WDFY4: variants seen among roughly 807,000 people sequenced by gnomAD.
WDFY4 encodes WD repeat- and FYVE domain-containing protein 4.
A neutral mutation model predicts 351.9 loss-of-function variants in WDFY4; 169 were observed. The ratio of observed to expected loss-of-function variants is 0.48; its 90% CI spans 0.42 to 0.55. The LOEUF is 0.55. Ranked by LOEUF, WDFY4 falls within the 20% of genes least tolerant of loss-of-function variation. The pLI, the probability that WDFY4 is intolerant of heterozygous loss-of-function variation, is 0.00. For missense variants in WDFY4, 3,803 were observed against 3,935.6 expected (o/e 0.97, Z 0.90); for synonymous variants, 1,622 against 1,574.6 (o/e 1.03, Z -0.71).
At chr10:48,777,919 T>A (rs545966657) in intron 17 of WDFY4, among the ~76,000 whole-genome samples, 7 of 152,354 alleles carry the variant, frequency 4.6e-5, no homozygotes, top group African/African-American at 1.7e-4. Flanking sequence ...CTCATTTCGC[T>A]GGTGACTGAT....
Position 48,810,742 on chromosome 10 carries a change from A to G in WDFY4, c.5044+7A>G. 6.6e-7 allele frequency: 1 copy of G among 1,515,516 alleles called. No homozygotes were observed. Among genetic ancestry groups the G allele is most frequent in the Non-Finnish European group, 8.9e-7 (1 of 1,128,642 alleles). 93.9% of individuals were successfully genotyped at this position (1,515,516 alleles called of 1,614,324 possible). On this transcript the variant is annotated splice_region_variant and intron_variant, in intron 29 of 61. Coordinates refer to ENST00000325239, the MANE Select transcript of WDFY4 (RefSeq NM_001394531.1). ...GGCGTGGATATTGTAATGGGTGAGC[A>G]CGTGGCTGTCTCCAGGGAGTGGGGC... is the stretch of plus-strand genomic sequence containing the variant.
At chr10:48,879,125 T>C (rs2070145958) in intron 43 of WDFY4, among the ~76,000 whole-genome samples, 1 of 152,204 alleles carries the variant, frequency 6.6e-6, no homozygotes, top group South Asian at 2.1e-4. Flanking sequence ...CCTTGTCCAT[T>C]GAAAAAACAG....
intron 1 of WDFY4, among the ~76,000 whole-genome samples, chr10:48,706,501 T>C (rs1457291528): frequency 2.0e-5 from 3 of 152,160 alleles, no homozygotes; most frequent in African/African-American, 4.8e-5. Flanking sequence ...ACAACAGAGA[T>C]GCACTTGCTT....
At position 48,900,264 on chromosome 10, in the gene WDFY4, T is replaced by A; in HGVS notation, c.7481T>A (p.Phe2494Tyr). Residue 2494 changes from phenylalanine (F) to tyrosine (Y), a missense_variant, in exon 46 of 62, where the codon TTT (phenylalanine) becomes TAT (tyrosine). Phe to Tyr is a conservative substitution (Grantham distance 22). Coordinates refer to ENST00000325239, the MANE Select transcript of WDFY4 (RefSeq NM_001394531.1). ...EIFFHNGYSKFLVFYNNDRSK... is the reference protein window; with the variant it reads ...EIFFHNGYSKYLVFYNNDRSK... ...TTCTTCCACAATGGATATTCCAAGT[T>A]TCTTGTCTTCTACAACAATGATCGG... The A allele has an allele frequency of 6.4e-7, 1 of 1,551,732 alleles. No individual in the cohort carries two copies. The highest frequency in any genetic ancestry group is 1.2e-5 in the South Asian group (1 of 84,050).
chr10:48,891,188 G>C (rs906857630), intron 44 of WDFY4, among the ~76,000 whole-genome samples: 2 of 152,236 alleles, frequency 1.3e-5, no homozygotes, highest in African/African-American at 4.8e-5. Flanking sequence ...CAGGGTTCAG[G>C]CTTGGAGGGA....
chr10:48,887,674 G>A (rs984631832), intron 43 of WDFY4, among the ~76,000 whole-genome samples: 2 of 151,982 alleles, frequency 1.3e-5, no homozygotes, highest in African/African-American at 4.8e-5. Context: ...AGCTGCTCAG[G>A]AGACTGAGGC....
intron 47 of WDFY4, among the ~76,000 whole-genome samples, chr10:48,906,421 C>T (rs1217811264): frequency 6.6e-6 from 1 of 152,172 alleles, no homozygotes; most frequent in Admixed American, 6.5e-5. Context: ...GTAGAAAATA[C>T]TTGCAAAGCC....
At chr10:48,738,407 C>A (rs2064743578) in intron 11 of WDFY4, among the ~76,000 whole-genome samples, 1 of 152,210 alleles carries the variant, frequency 6.6e-6, no homozygotes, top group Admixed American at 6.5e-5. Context: ...CAAGAGAGCA[C>A]ATAAGGGAAG....
At chr10:48,914,699 A>T (rs1838342972) in intron 47 of WDFY4, among the ~76,000 whole-genome samples, 1 of 152,214 alleles carries the variant, frequency 6.6e-6, no homozygotes, top group South Asian at 2.1e-4. Context: ...GTGGGTACTA[A>T]GACCAACTTC....
intron 30 of WDFY4, among the ~76,000 whole-genome samples, chr10:48,813,684 T>C (rs185988131): frequency 5.9e-5 from 9 of 152,326 alleles, no homozygotes; most frequent in African/African-American, 2.2e-4. Context: ...TTAATTAAAG[T>C]TGATTAGCAT....
In WDFY4 at chr10:48,863,340, C is replaced by G. The variant is rs564618538; in HGVS notation, c.6664-3925C>G. ...GTATGAGAGTTTCTATTTATCCATA[C>G]TCTCAATAAAACTTGTTATTATCTA... is the stretch of plus-strand genomic sequence containing the variant. On this transcript the variant is annotated intron_variant, in intron 39 of 61. Coordinates refer to ENST00000325239, the MANE Select transcript of WDFY4 (RefSeq NM_001394531.1). Among the ~76,000 whole-genome samples, 307 of 152,302 alleles carry G rather than the reference C, an allele frequency of 2.0e-3. 1 individual carries two copies. Among genetic ancestry groups the G allele is most frequent in the African/African-American group, 6.2e-3 (259 of 41,572 alleles).
chr10:48,861,514 G>A (rs149240275), intron 39 of WDFY4, among the ~76,000 whole-genome samples: 36 of 152,204 alleles, frequency 2.4e-4, no homozygotes, highest in African/African-American at 7.9e-4. Context: ...GAGAAATACT[G>A]TGCCACTTCC....
intron 20 of WDFY4, among the ~76,000 whole-genome samples, chr10:48,787,992 C>G (rs61838437): frequency 9.0e-6 from 1 of 111,038 alleles, no homozygotes; most frequent in Admixed American, 9.2e-5. Context: ...TTCTCCTTCT[C>G]CTTCTCCTTC....
At chr10:48,892,514 A>T (rs1029417663) in intron 44 of WDFY4, among the ~76,000 whole-genome samples, 5 of 152,222 alleles carry the variant, frequency 3.3e-5, no homozygotes, top group Non-Finnish European at 7.3e-5. Context: ...GCATTTGTTA[A>T]TCAGTGCTTT....
chr10:48,695,100 C>G (rs1049000382), intron 1 of WDFY4, among the ~76,000 whole-genome samples: 2 of 152,230 alleles, frequency 1.3e-5, no homozygotes, highest in Admixed American at 6.5e-5. Context: ...GCCTGGAGGA[C>G]AAATGACTGA....
chr10:48,776,848 G>A lies in WDFY4; in HGVS notation c.2962G>A (p.Glu988Lys), dbSNP rs1250173287. 1 of 1,551,754 alleles carries A rather than the reference G, an allele frequency of 6.4e-7. No individual in the cohort carries two copies. Among genetic ancestry groups the A allele is most frequent in the Admixed American group, 2.0e-5 (1 of 51,008 alleles). The change falls in exon 16 of 62, where the codon GAA becomes AAA. Residue 988 changes from glutamate (E) to lysine (K), a missense_variant. Coordinates refer to ENST00000325239, the MANE Select transcript of WDFY4 (RefSeq NM_001394531.1). ...CACACAGGCCCCGCAGCCCTTGGGG[G>A]AATCCCAGGATTCAACTACTGCTCT... ...GVTQAPQPLG[E>K]SQDSTTALQT...
At chr10:48,776,688 TCAGAAGCGA>T in intron 15 of WDFY4, 53 bp from the exon 16 acceptor site, 1 of 1,398,024 alleles carries the variant, frequency 7.2e-7, no homozygotes, top group Non-Finnish European at 9.5e-7. Flanking sequence ...GGGGTTATTG[TCAGAAGCGA>T]GACAGAAATG....
chr10:48,959,908 C>T (rs2133832591), intron 53 of WDFY4, 95 bp downstream of exon 53: 3 of 1,118,858 alleles, frequency 2.7e-6, no homozygotes, highest in South Asian at 2.9e-5. Context: ...GGCCAGTGAC[C>T]AGCACTGTGA....
chr10:48,957,175 G>A lies in WDFY4; in HGVS notation c.8024G>A (p.Ser2675Asn), dbSNP rs1033651627. The A allele has an allele frequency of 1.9e-6, 3 of 1,551,638 alleles. No homozygotes were observed. Among genetic ancestry groups the A allele is most frequent in the Non-Finnish European group, 2.6e-6 (3 of 1,146,970 alleles). The change falls in exon 52 of 62, where the codon AGC becomes AAC. Residue 2675 changes from serine (S) to asparagine (N), a missense_variant. Ser to Asn is a conservative substitution (Grantham distance 46). This residue lies in a region of WDFY4 where 3,054 missense variants were observed against 3,148.6 expected (regional missense o/e 0.97). Transcript: ENST00000325239. ...GACAGAATGTTCCACAGTGTGAAGAGCACGTGGGAGTCGGCCTCCAGAGAG... is the reference window on the plus strand; with the variant it reads ...GACAGAATGTTCCACAGTGTGAAGAACACGTGGGAGTCGGCCTCCAGAGAG... ...VADRMFHSVK[S>N]TWESASRENM...
Sources: gnomAD v4.1 joint callset for allele counts (sites outside exome capture counted in the v4.1 genomes callset) on GRCh38, gnomAD v4.1.1 for gene constraint, gnomAD v4.1.1 regional missense constraint, MANE v1.5 for transcripts, NCBI Gene and HGNC (gene_info 2026-07-23, HGNC 2026-07-21) for gene names.